The following ANKRD11 variants were observed in gnomAD, a reference collection of about 807,000 sequenced individuals.
ANKRD11 encodes the protein ankyrin repeat domain 11, also known as ankyrin repeat domain-containing protein 11.
In ANKRD11, 17 loss-of-function variants were observed where a neutral mutation model predicts 195.7. The ratio of observed to expected loss-of-function variants is 0.09; its 90% CI spans 0.06 to 0.13. ANKRD11 has a LOEUF of 0.13. Among genes scored for constraint, ANKRD11 ranks in the 10% least tolerant of loss-of-function variants. The probability of loss-of-function intolerance (pLI) is 1.00; values close to 1 mark genes in which losing one functional copy is unlikely to be tolerated. For missense variants in ANKRD11, 3,735 were observed against 3,566.1 expected (o/e 1.05, Z -1.21); for synonymous variants, 1,953 against 1,528.1 (o/e 1.28, Z -6.49).
chr16:89,296,117 T>C (rs1483789065), intron 4 of ANKRD11, among the ~76,000 whole-genome samples: 3 of 149,428 alleles, frequency 2.0e-5, no homozygotes, highest in Non-Finnish European at 4.4e-5. Flanking sequence ...GCCTCAGGAG[T>C]AGCTGGGACC....
At chr16:89,417,732 C>A (rs2042365298) in intron 2 of ANKRD11, among the ~76,000 whole-genome samples, 1 of 152,108 alleles carries the variant, frequency 6.6e-6, no homozygotes, top group Non-Finnish European at 1.5e-5. Context: ...AGCACAACAG[C>A]TCCCAGGATA....
chr16:89,477,482 A>C (rs985129258), intron 1 of ANKRD11, among the ~76,000 whole-genome samples: 1 of 151,834 alleles, frequency 6.6e-6, no homozygotes, highest in African/African-American at 2.4e-5. Context: ...CACCCTCCCG[A>C]GTAGCTGAGA....
At chr16:89,277,052 T>C (rs1274291507) in intron 9 of ANKRD11, among the ~76,000 whole-genome samples, 2 of 51,096 alleles carry the variant, frequency 3.9e-5, no homozygotes, top group African/African-American at 1.6e-4. Context: ...TGAGACTCTG[T>C]CTTAAAAAAA....
chr16:89,489,583 G>A (rs1477171503), intron 1 of ANKRD11, among the ~76,000 whole-genome samples: 2 of 151,820 alleles, frequency 1.3e-5, no homozygotes, highest in African/African-American at 4.8e-5. Context: ...TAATAATAGG[G>A]ACGCTGAGAA....
chr16:89,352,078 C>T (rs766243273), intron 2 of ANKRD11, among the ~76,000 whole-genome samples: 3 of 151,330 alleles, frequency 2.0e-5, no homozygotes, highest in Non-Finnish European at 4.4e-5. Context: ...TGTGTAGAGG[C>T]GGGGGTTTCA....
chr16:89,431,714 G>C (rs2042986525), intron 1 of ANKRD11, among the ~76,000 whole-genome samples: 1 of 152,056 alleles, frequency 6.6e-6, no homozygotes, highest in Non-Finnish European at 1.5e-5. Context: ...TTAACGACGT[G>C]CTGCTGAATC....
chr16:89,388,492 C>T (rs780398275), intron 2 of ANKRD11, among the ~76,000 whole-genome samples: 7 of 151,876 alleles, frequency 4.6e-5, no homozygotes, highest in Admixed American at 6.6e-5. Flanking sequence ...GCAAGATTTG[C>T]GTTTCCCTGT....
chr16:89,416,895 C>T (rs1044344178), intron 2 of ANKRD11, among the ~76,000 whole-genome samples: 1 of 152,116 alleles, frequency 6.6e-6, no homozygotes, highest in African/African-American at 2.4e-5. Context: ...GCTCCCTCAT[C>T]GCTGCCCCCC....
chr16:89,488,278 C>T (rs2057687251), intron 1 of ANKRD11, among the ~76,000 whole-genome samples: 1 of 152,058 alleles, frequency 6.6e-6, no homozygotes, highest in Admixed American at 6.6e-5. Flanking sequence ...TGTTCCCTCC[C>T]ATCCAGTTCC....
chr16:89,273,271 GTCC>G (rs1314591380), intron 11 of ANKRD11, among the ~76,000 whole-genome samples: 1 of 152,246 alleles, frequency 6.6e-6, no homozygotes, highest in East Asian at 1.9e-4. Context: ...GCACGAGCTG[GTCC>G]TCCTCATTTT....
intron 2 of ANKRD11, among the ~76,000 whole-genome samples, chr16:89,326,616 C>A (rs574118988): frequency 1.3e-5 from 2 of 152,220 alleles, no homozygotes; most frequent in Admixed American, 6.5e-5. Flanking sequence ...GTGGCACGCA[C>A]CTGTAATCCC....
At chr16:89,305,432 C>T (rs1187679890) in intron 3 of ANKRD11, 88 bp from the exon 4 acceptor site, 2 of 1,562,508 alleles carry the variant, frequency 1.3e-6, no homozygotes, top group Non-Finnish European at 1.7e-6. Context: ...AGGAGAAGCG[C>T]ATCTCTTATT....
intron 1 of ANKRD11, among the ~76,000 whole-genome samples, chr16:89,448,176 G>A (rs2043892790): frequency 6.6e-6 from 1 of 151,946 alleles, no homozygotes; most frequent in African/African-American, 2.4e-5. Flanking sequence ...CAGACAGTGG[G>A]CACCCTGCAG....
intron 2 of ANKRD11, among the ~76,000 whole-genome samples, chr16:89,329,238 G>A (rs888021061): frequency 6.6e-6 from 1 of 152,240 alleles, no homozygotes; most frequent in East Asian, 1.9e-4. Flanking sequence ...CTAGGACCAG[G>A]TATCCAGGAT....
At chr16:89,466,105 T>C (rs1233728543) in intron 1 of ANKRD11, among the ~76,000 whole-genome samples, 1 of 152,164 alleles carries the variant, frequency 6.6e-6, no homozygotes, top group Non-Finnish European at 1.5e-5. Flanking sequence ...CAGAAAAAGA[T>C]GCTGGCAGAA....
chr16:89,481,404 CA>C (rs1324461909), intron 1 of ANKRD11, among the ~76,000 whole-genome samples: 1 of 152,098 alleles, frequency 6.6e-6, no homozygotes. Context: ...CCCATTTCTA[CA>C]AAGAATTTTT....
rs772809896 is a variant in ANKRD11 at position 89,419,451 on chromosome 16, TA to T, written c.-144-1084del. On this transcript the variant is annotated intron_variant, in intron 1 of 12. Transcript: ENST00000301030. ...CTGGGTGACAGAGCGAAACTCGTCTTAAAAAAAAAAAAAAAAGGCAGCTGAA... is the reference window on the plus strand; with the variant it reads ...CTGGGTGACAGAGCGAAACTCGTCTTAAAAAAAAAAAAAAAGGCAGCTGAA... Among the ~76,000 whole-genome samples, 464 of 132,106 alleles carry T rather than the reference TA, an allele frequency of 3.5e-3. 1 individual carries two copies. The highest frequency in any genetic ancestry group is 7.5e-3 in the Middle Eastern group (2 of 268). 86.7% of individuals were successfully genotyped at this position (132,106 alleles called of 152,430 possible).
chr16:89,314,797 A>G (rs1418488148), intron 3 of ANKRD11, among the ~76,000 whole-genome samples: 1 of 151,994 alleles, frequency 6.6e-6, no homozygotes, highest in African/African-American at 2.4e-5. Context: ...CTTTCCCCAC[A>G]TTCCTTCTGC....
chr16:89,274,732 G>A (rs1357899480), intron 11 of ANKRD11, 82 bp downstream of exon 11: 13 of 1,588,268 alleles, frequency 8.2e-6, no homozygotes, highest in African/African-American at 8.0e-5. Context: ...CCTGGTCAAA[G>A]TGCAGAATCT....
Sources: gnomAD v4.1 joint callset for allele counts (sites outside exome capture counted in the v4.1 genomes callset) on GRCh38, gnomAD v4.1.1 for gene constraint, MANE v1.5 for transcripts, NCBI Gene and HGNC (gene_info 2026-07-23, HGNC 2026-07-21) for gene names.